SLC13A5: variants seen among roughly 807,000 people sequenced by gnomAD.
The protein encoded by SLC13A5 is Na(+)/citrate cotransporter.
Under a neutral mutation model 56.5 loss-of-function variants are expected in SLC13A5, and 25 were observed. That is an observed-to-expected ratio of 0.44 (90% CI 0.32 to 0.62). The LOEUF (loss-of-function observed/expected upper bound fraction) is 0.62, where lower values mean the gene tolerates loss of function less well. Ranked by LOEUF, SLC13A5 falls within the 20% of genes least tolerant of loss-of-function variation. The pLI is 0.04. For missense variants in SLC13A5, 649 were observed against 737.8 expected, an observed-to-expected ratio of 0.88 and a Z score of 1.39; for synonymous variants, 307 against 301.5, an observed-to-expected ratio of 1.02 and a Z score of -0.19.
chr17:6,686,760 C>T, intron 11 of SLC13A5: 1 of 182,764 alleles, frequency 5.5e-6, no homozygotes, highest in Non-Finnish European at 1.2e-5. Context: ...GCAAGCTTCC[C>T]TCATGGTCAC....
intron 7 of SLC13A5, 76 bp from the exon 8 acceptor site, chr17:6,694,273 G>A: frequency 2.4e-6 from 2 of 834,404 alleles, no homozygotes; most frequent in South Asian, 3.0e-5. Context: ...CGGCAGTTCT[G>A]TGTCCAAATG....
At chr17:6,704,284 T>C (rs909628161) in intron 3 of SLC13A5, 2 of 671,968 alleles carry the variant, frequency 3.0e-6, no homozygotes, top group Non-Finnish European at 5.5e-6. Context: ...CCCACACCCA[T>C]GACTGATGTC....
At position 6,711,663 on chromosome 17, in the gene SLC13A5, GTGTGTGTGTC is replaced by G. The variant is rs1307202946; in HGVS notation, c.102+1559_102+1568del. ...GTGTTTTGTGTGTGTCTGTGTGTTT[GTGTGTGTGTC>G]TGTGTGTGTTTGTGAGTGTGTGTGT... is the stretch of plus-strand genomic sequence containing the variant. On this transcript the variant is annotated intron_variant, in intron 1 of 11. Coordinates refer to ENST00000433363, the MANE Select transcript of SLC13A5 (RefSeq NM_177550.5). The surrounding 1 kb of genome is among the most constrained non-coding windows in gnomAD (Gnocchi z 4.0). Among the ~76,000 whole-genome samples the G allele has an allele frequency of 2.0e-5, 3 of 151,426 alleles. No individual in the cohort carries two copies. Among genetic ancestry groups the G allele is most frequent in the South Asian group, 2.1e-4 (1 of 4,792 alleles).
intron 9 of SLC13A5, among the ~76,000 whole-genome samples, chr17:6,691,260 C>T (rs1259978131): frequency 1.3e-5 from 2 of 152,226 alleles, no homozygotes; most frequent in Non-Finnish European, 2.9e-5. Flanking sequence ...GCTTCTCTCT[C>T]TGGGCCTCCC....
chr17:6,686,172 G>T lies in SLC13A5; in HGVS notation c.*35C>A. The T allele has an allele frequency of 1.2e-6, 2 of 1,613,658 alleles. No homozygotes were observed. Among genetic ancestry groups the T allele is most frequent in the Non-Finnish European group, 1.7e-6 (2 of 1,179,738 alleles). ...CCAGAAGGTTCGGTAGTCCTGAGGA[G>T]GGTAAGGGCTGTGTGTGTGGTCTTG... On this transcript the variant is annotated 3_prime_UTR_variant, in exon 12 of 12. Coordinates refer to ENST00000433363, the MANE Select transcript of SLC13A5 (RefSeq NM_177550.5).
intron 6 of SLC13A5, among the ~76,000 whole-genome samples, chr17:6,697,248 C>A (rs576861189): frequency 6.6e-6 from 1 of 152,282 alleles, no homozygotes; most frequent in East Asian, 1.9e-4. Flanking sequence ...CCCTGGGGCT[C>A]AGCCAGGGGC....
In SLC13A5 at chr17:6,686,324, G is replaced by T. The variant is rs756972281; in HGVS notation, c.1590C>A (p.Val530=). 1.9e-6 allele frequency: 3 copies of T among 1,614,080 alleles called. No individual in the cohort carries two copies. Among genetic ancestry groups the T allele is most frequent in the Non-Finnish European group, 2.5e-6 (3 of 1,179,994 alleles). ...LKVADMVKTG[V]IMNIIGVFCV... ...AGAAGACTCCAATTATGTTCATTATGACTCCTGTTTTCACCTGGAAAAGAG... is the reference window on the plus strand; with the variant it reads ...AGAAGACTCCAATTATGTTCATTATTACTCCTGTTTTCACCTGGAAAAGAG... The change falls in exon 12 of 12, where the codon GTC becomes GTA. Residue 530 remains valine, a synonymous_variant. Transcript: ENST00000433363.
intron 6 of SLC13A5, 55 bp from the exon 7 acceptor site, chr17:6,695,996 G>A: frequency 6.6e-7 from 1 of 1,519,414 alleles, no homozygotes. Flanking sequence ...CTCAGGTGCT[G>A]GTCAGATGGA....
In SLC13A5 at chr17:6,711,752, G is replaced by A. The variant is rs1044422241; in HGVS notation, c.102+1480C>T. ...GTGTGAGTGGGGTCTCCTGTGGCAG[G>A]AAGGTCAGCCAAGCTACTATAATCA... On this transcript the variant is annotated intron_variant, in intron 1 of 11. Transcript: ENST00000433363. The surrounding 1 kb of genome is among the most constrained non-coding windows in gnomAD (Gnocchi z 4.0). Among the ~76,000 whole-genome samples, 1 of 151,850 alleles carries A rather than the reference G, an allele frequency of 6.6e-6. No individual in the cohort carries two copies. The highest frequency in any genetic ancestry group is 1.5e-5 in the Non-Finnish European group (1 of 67,950).
intron 7 of SLC13A5, among the ~76,000 whole-genome samples, chr17:6,695,229 A>G (rs1011471272): frequency 1.3e-5 from 2 of 152,186 alleles, no homozygotes; most frequent in Admixed American, 6.5e-5. Flanking sequence ...GCTTGGTCAG[A>G]AAACAAAAAT....
Position 6,692,917 on chromosome 17 carries a change from A to G in SLC13A5, c.1275+127T>C. 1 of 741,500 alleles carries G rather than the reference A, an allele frequency of 1.3e-6. No individual in the cohort carries two copies. Among genetic ancestry groups the G allele is most frequent in the Non-Finnish European group, 2.4e-6 (1 of 412,792 alleles). The allele number at this position is 741,500 out of a possible 1,614,324, so 45.9% of individuals were successfully genotyped here. On this transcript the variant is annotated intron_variant, in intron 9 of 11. Coordinates refer to ENST00000433363, the MANE Select transcript of SLC13A5 (RefSeq NM_177550.5). This position sits in a 1 kb window ranked among gnomAD's most constrained non-coding sequence, Gnocchi z 5.5. ...ATGACAAGACAGAGTCCATGTCCTC[A>G]AGGAATGTGCGGTTATACGAAGGAT...
At chr17:6,704,478 G>A in intron 3 of SLC13A5, 3 of 340,202 alleles carry the variant, frequency 8.8e-6, no homozygotes, top group South Asian at 6.9e-5. Flanking sequence ...CCCACTTCTG[G>A]CTAGGAAATT....
Position 6,706,298 on chromosome 17 carries a change from T to A in SLC13A5, c.368+344A>T, listed in dbSNP as rs184772657. On this transcript the variant is annotated intron_variant, in intron 3 of 11. Transcript: ENST00000433363. ...TGAGCCACTTCTGGCCTGCTTCCCT[T>A]ATCCTATCAGACACAGCTTGATCCA... 2.2e-3 allele frequency among the ~76,000 whole-genome samples: 332 copies of A among 152,222 alleles called. 2 individuals are homozygous for A. Among genetic ancestry groups the A allele is most frequent in the African/African-American group, 6.4e-3 (266 of 41,526 alleles).
chr17:6,693,327 T>A (rs1973468211), intron 8 of SLC13A5, 165 bp from the exon 9 acceptor site: 1 of 574,992 alleles, frequency 1.7e-6, no homozygotes, highest in Non-Finnish European at 3.1e-6. Context: ...TTAGCTAAAG[T>A]TTACAATAAT....
rs750762757 is a variant in SLC13A5 at position 6,699,902 on chromosome 17, G to A, written c.839+1102C>T. Among the ~76,000 whole-genome samples the A allele has an allele frequency of 3.0e-4, 45 of 152,170 alleles. 2 individuals carry two copies. Among genetic ancestry groups the A allele is most frequent in the Admixed American group, 2.8e-3 (43 of 15,276 alleles). ...ATTACAGGTGTGAGCCATCGCGCCC[G>A]GCCTGTATAGCAACTTTTTAATGGG... On this transcript the variant is annotated intron_variant, in intron 6 of 11. Transcript: ENST00000433363.
Position 6,686,315 on chromosome 17 carries a change from G to T in SLC13A5, c.1599C>A (p.Asn533Lys), listed in dbSNP as rs1973250595. The T allele has an allele frequency of 1.5e-5, 25 of 1,614,126 alleles. No individual in the cohort carries two copies. Among genetic ancestry groups the T allele is most frequent in the Non-Finnish European group, 2.0e-5 (24 of 1,180,010 alleles). ...AAAACACACAGAAGACTCCAATTAT[G>T]TTCATTATGACTCCTGTTTTCACCT... ...ADMVKTGVIM[N>K]IIGVFCVFLA... Residue 533 changes from asparagine (N) to lysine (K), a missense_variant, in exon 12 of 12, where the codon AAC (asparagine) becomes AAA (lysine). Asn to Lys is a moderately conservative substitution (Grantham distance 94). Coordinates refer to ENST00000433363, the MANE Select transcript of SLC13A5 (RefSeq NM_177550.5).
chr17:6,695,226 C>T (rs559668921), intron 7 of SLC13A5, among the ~76,000 whole-genome samples: 5 of 152,100 alleles, frequency 3.3e-5, no homozygotes, highest in Non-Finnish European at 5.9e-5. Context: ...GGAGCTTGGT[C>T]AGAAAACAAA....
chr17:6,687,417 G>T lies in SLC13A5; in HGVS notation c.1575+112C>A. ...TGGCTACAGGTCTGGATGTTCCGTGGCATTCCCAAGTCACATGACATCGTT... is the reference window on the plus strand; with the variant it reads ...TGGCTACAGGTCTGGATGTTCCGTGTCATTCCCAAGTCACATGACATCGTT... On this transcript the variant is annotated intron_variant, in intron 11 of 11. Transcript: ENST00000433363. This position sits in a 1 kb window ranked among gnomAD's most constrained non-coding sequence, Gnocchi z 5.0. The T allele has an allele frequency of 1.4e-6, 2 of 1,440,864 alleles. No homozygotes were observed. Among genetic ancestry groups the T allele is most frequent in the Non-Finnish European group, 1.9e-6 (2 of 1,041,670 alleles). 89.3% of individuals were successfully genotyped at this position (1,440,864 alleles called of 1,614,324 possible).
In SLC13A5 at chr17:6,702,995, C is replaced by G. The variant is rs759705331; in HGVS notation, c.691G>C (p.Val231Leu). ...TCGTTCATCTGGCCCAGGAGCACCA[C>G]GTTGGGTCCCGTCCCGGTCAGGGTG... is the stretch of plus-strand genomic sequence containing the variant. ...TATLTGTGPN[V>L]VLLGQMNELF... is the part of the protein sequence containing the mutation. The change falls in exon 5 of 12, where the codon GTG becomes CTG. Residue 231 changes from valine (V) to leucine (L), a missense_variant. Val to Leu is a conservative substitution (Grantham distance 32). Coordinates refer to ENST00000433363, the MANE Select transcript of SLC13A5 (RefSeq NM_177550.5). The G allele has an allele frequency of 6.2e-7, 1 of 1,614,196 alleles. No individual in the cohort carries two copies. Among genetic ancestry groups the G allele is most frequent in the Non-Finnish European group, 8.5e-7 (1 of 1,180,028 alleles).
Sources: allele counts gnomAD v4.1 joint callset (sites outside exome capture counted in the v4.1 genomes callset), GRCh38; gene constraint gnomAD v4.1.1; non-coding constraint Gnocchi (gnomAD v3.1); transcripts MANE v1.5; gene names NCBI Gene and HGNC (gene_info 2026-07-23, HGNC 2026-07-21).